PCDH15: variants seen among roughly 807,000 people sequenced by gnomAD.
PCDH15 encodes protocadherin-15.
In PCDH15, 129 loss-of-function variants were observed where a neutral mutation model predicts 178.5. The observed-to-expected ratio is 0.72, with a 90% confidence interval of 0.63 to 0.84. The LOEUF (loss-of-function observed/expected upper bound fraction) is 0.84. Ranked by LOEUF, PCDH15 falls within the 40% of genes least tolerant of loss-of-function variation. The pLI is 0.00. For missense variants in PCDH15, 2,230 were observed against 2,099.9 expected, an observed-to-expected ratio of 1.06 and a Z score of -1.21; for synonymous variants, 800 against 732.0, an observed-to-expected ratio of 1.09 and a Z score of -1.50.
intron 26 of PCDH15, among the ~76,000 whole-genome samples, chr10:53,871,053 G>T (rs1477971290): frequency 6.6e-6 from 1 of 151,900 alleles, no homozygotes; most frequent in East Asian, 1.9e-4. Context: ...ATAACTCAAG[G>T]CCGGGCGCGG....
At chr10:54,302,449 G>C (rs1367535898) in intron 8 of PCDH15, among the ~76,000 whole-genome samples, 3 of 152,164 alleles carry the variant, frequency 2.0e-5, no homozygotes, top group Admixed American at 2.0e-4. Context: ...AGAAGGTTGG[G>C]AGGTGATTAG....
intron 1 of PCDH15, among the ~76,000 whole-genome samples, chr10:55,308,869 A>G (rs190636560): frequency 1.4e-3 from 207 of 152,272 alleles, no homozygotes; most frequent in African/African-American, 4.7e-3. Flanking sequence ...AAGGTAAGCT[A>G]TTTTGAACTT....
chr10:54,945,859 C>T (rs1481163757), intron 2 of PCDH15, among the ~76,000 whole-genome samples: 2 of 151,778 alleles, frequency 1.3e-5, no homozygotes, highest in African/African-American at 4.8e-5. Flanking sequence ...AGTCTATATT[C>T]TCAAAAGTGT....
intron 2 of PCDH15, among the ~76,000 whole-genome samples, chr10:55,126,219 T>C (rs1837897275): frequency 6.6e-6 from 1 of 152,118 alleles, no homozygotes. Context: ...TTCCCTTTTG[T>C]TATCCCACCC....
chr10:54,289,921 T>C (rs1402684785), intron 8 of PCDH15, among the ~76,000 whole-genome samples: 3 of 152,184 alleles, frequency 2.0e-5, no homozygotes, highest in South Asian at 2.1e-4. Flanking sequence ...CTACATTTGA[T>C]TGGTGTACCT....
chr10:55,574,964 T>G (rs2132113651), intron 2 of PCDH15, among the ~76,000 whole-genome samples: 1 of 152,238 alleles, frequency 6.6e-6, no homozygotes, highest in Middle Eastern at 3.4e-3. Flanking sequence ...CATAGTTATC[T>G]CTATATATAC....
chr10:54,401,650 C>T (rs1442795339), intron 3 of PCDH15, among the ~76,000 whole-genome samples: 1 of 151,724 alleles, frequency 6.6e-6, no homozygotes, highest in Non-Finnish European at 1.5e-5. Context: ...AAGGTATAAT[C>T]TATATTAATG....
chr10:54,812,310 A>T (rs909698602), intron 3 of PCDH15, among the ~76,000 whole-genome samples: 38 of 142,312 alleles, frequency 2.7e-4, no homozygotes, highest in Non-Finnish European at 5.1e-4. Context: ...TCGCTCTGAC[A>T]CTCAGGCTGA....
intron 2 of PCDH15, among the ~76,000 whole-genome samples, chr10:55,147,455 T>A (rs970798886): frequency 1.4e-4 from 21 of 151,598 alleles, no homozygotes; most frequent in East Asian, 1.2e-3. Flanking sequence ...TTTCAATTTT[T>A]AAAAAAAATT....
intron 2 of PCDH15, among the ~76,000 whole-genome samples, chr10:55,386,692 G>T (rs1279166625): frequency 2.0e-5 from 3 of 151,822 alleles, no homozygotes; most frequent in Admixed American, 6.6e-5. Context: ...GCATACATTT[G>T]CAAGTATTTC....
At chr10:55,361,596 C>T (rs1845231071) in intron 2 of PCDH15, among the ~76,000 whole-genome samples, 1 of 151,872 alleles carries the variant, frequency 6.6e-6, no homozygotes, top group Non-Finnish European at 1.5e-5. Flanking sequence ...AGTTGCTAAT[C>T]ATAGAAAATA....
In PCDH15 at chr10:53,987,217, A is replaced by C. The variant is rs191334374; in HGVS notation, c.2868+8432T>G. Among the ~76,000 whole-genome samples, 49 of 152,246 alleles carry C rather than the reference A, an allele frequency of 3.2e-4. No homozygotes were observed. The East Asian group carries it at 7.7e-3, about 24-fold the overall frequency. ...TGGCTTCACACTTTATAATTTATTAAATAATAAAAACATAGCGAAACATCA... is the reference window on the plus strand; with the variant it reads ...TGGCTTCACACTTTATAATTTATTACATAATAAAAACATAGCGAAACATCA... On this transcript the variant is annotated intron_variant, in intron 21 of 37. Transcript: ENST00000644397.
chr10:55,276,121 C>T (rs1161675705), intron 1 of PCDH15, among the ~76,000 whole-genome samples: 2 of 150,582 alleles, frequency 1.3e-5, no homozygotes, highest in Non-Finnish European at 3.0e-5. Context: ...CGTATTAATT[C>T]CATAAATTTG....
intron 20 of PCDH15, among the ~76,000 whole-genome samples, chr10:54,013,936 A>G (rs2092664660): frequency 6.6e-6 from 1 of 152,130 alleles, no homozygotes; most frequent in African/African-American, 2.4e-5. Context: ...TGAGATGCAA[A>G]GACCATATAA....
chr10:54,850,318 G>A (rs1813886762), intron 3 of PCDH15, among the ~76,000 whole-genome samples: 1 of 151,980 alleles, frequency 6.6e-6, no homozygotes, highest in African/African-American at 2.4e-5. Flanking sequence ...GAATTTGTGG[G>A]AACAGGTGGT....
At chr10:54,211,582 C>T (rs191658413) in intron 10 of PCDH15, among the ~76,000 whole-genome samples, 405 of 152,108 alleles carry the variant, frequency 2.7e-3, no homozygotes, top group Admixed American at 5.4e-3. Flanking sequence ...TTGTGGCACT[C>T]ACCAGCTGTT....
At chr10:54,506,414 TGA>T (rs1447436676) in intron 3 of PCDH15, among the ~76,000 whole-genome samples, 14 of 152,020 alleles carry the variant, frequency 9.2e-5, no homozygotes, top group Non-Finnish European at 1.9e-4. Context: ...GTTTTTGAGA[TGA>T]GTTTTTTTTT....
At chr10:53,931,880 G>A (rs1443767528) in intron 25 of PCDH15, among the ~76,000 whole-genome samples, 2 of 152,048 alleles carry the variant, frequency 1.3e-5, no homozygotes, top group African/African-American at 4.8e-5. Context: ...GGAAGAGGCT[G>A]TAAGAGATTT....
chr10:55,012,088 G>T (rs952223959), intron 2 of PCDH15, among the ~76,000 whole-genome samples: 8 of 152,012 alleles, frequency 5.3e-5, no homozygotes, highest in African/African-American at 1.9e-4. Flanking sequence ...CATTTTCCTT[G>T]TAGGTCTTCA....
Sources: allele counts gnomAD v4.1 joint callset (sites outside exome capture counted in the v4.1 genomes callset), GRCh38; gene constraint gnomAD v4.1.1; transcripts MANE v1.5; gene names NCBI Gene and HGNC (gene_info 2026-07-23, HGNC 2026-07-21).